USP32: variants seen among roughly 807,000 people sequenced by gnomAD.
USP32 encodes the protein ubiquitin carboxyl-terminal hydrolase 32.
A neutral mutation model predicts 204.8 loss-of-function variants in USP32; 59 were observed. That is an observed-to-expected ratio of 0.29 (90% confidence interval 0.23 to 0.36). The LOEUF (loss-of-function observed/expected upper bound fraction) is 0.36, where lower values mean the gene tolerates loss of function less well. Ranked by LOEUF, USP32 falls within the 10% of genes least tolerant of loss-of-function variation. USP32 has a pLI of 1.00. For missense variants in USP32, 1,160 were observed against 1,946.4 expected (o/e 0.60, Z 7.60); for synonymous variants, 517 against 678.4 (o/e 0.76, Z 3.70).
chr17:60,399,235 G>T (rs570826666), intron 1 of USP32, among the ~76,000 whole-genome samples: 19 of 152,230 alleles, frequency 1.2e-4, no homozygotes, highest in African/African-American at 4.3e-4. Flanking sequence ...AAAAGCTCCT[G>T]CTCTCATGGA....
chr17:60,372,716 G>T (rs1207445966), intron 1 of USP32, among the ~76,000 whole-genome samples: 1 of 150,976 alleles, frequency 6.6e-6, no homozygotes, highest in African/African-American at 2.4e-5. Flanking sequence ...AGGCTTGGTG[G>T]CATGTGCCTC....
rs1181309647 is a variant in USP32, at chr17:60,284,214, C to CTT, written c.571+4307_571+4308dup. ...CAAATAATTCAAGATTTTTTCTTTT[C>CTT]TTTTTTTTTTTTTTTTTGAGACCAA... On this transcript the variant is annotated intron_variant, in intron 5 of 33. Transcript: ENST00000300896. 8.1e-4 allele frequency among the ~76,000 whole-genome samples: 107 copies of CTT among 132,150 alleles called. 2 individuals are homozygous for CTT. Among genetic ancestry groups the CTT allele is most frequent in the African/African-American group, 2.4e-3 (84 of 34,376 alleles). The allele number at this position is 132,150 out of a possible 152,430, so 86.7% of individuals were successfully genotyped here. A position where few individuals can be genotyped will look rare whatever the true frequency, so the allele number is the denominator to read the frequency against.
At chr17:60,349,245 C>G (rs939427690) in intron 1 of USP32, among the ~76,000 whole-genome samples, 6 of 150,702 alleles carry the variant, frequency 4.0e-5, no homozygotes, top group African/African-American at 1.5e-4. Context: ...GTGTTGGTTA[C>G]AGATTATTTG....
At chr17:60,376,595 C>T (rs1420670411) in intron 1 of USP32, among the ~76,000 whole-genome samples, 1 of 151,682 alleles carries the variant, frequency 6.6e-6, no homozygotes, top group Admixed American at 6.6e-5. Flanking sequence ...GCAATCTTGG[C>T]TCATTGCAAC....
At chr17:60,339,059 G>A (rs376697408) in intron 2 of USP32, among the ~76,000 whole-genome samples, 64 of 151,726 alleles carry the variant, frequency 4.2e-4, no homozygotes, top group African/African-American at 1.5e-3. Context: ...ACAGGAGCCC[G>A]CCACCACGCC....
At chr17:60,294,578 T>A in intron 4 of USP32, 105 bp downstream of exon 4, 1 of 603,072 alleles carries the variant, frequency 1.7e-6, no homozygotes, top group Non-Finnish European at 2.8e-6. Context: ...ATGCCAAGAG[T>A]AATCTGCACA....
At chr17:60,377,082 C>G (rs2089559877) in intron 1 of USP32, among the ~76,000 whole-genome samples, 1 of 152,102 alleles carries the variant, frequency 6.6e-6, no homozygotes, top group Non-Finnish European at 1.5e-5. Flanking sequence ...TTTACATCCC[C>G]CTTAAACTCA....
At chr17:60,394,622 C>T (rs1797591467), upstream of USP32, among the ~76,000 whole-genome samples, 6 of 152,196 alleles carry the variant, frequency 3.9e-5, no homozygotes, top group Admixed American at 3.3e-4. Flanking sequence ...GTGCAAATAT[C>T]ATAGATTACT....
At chr17:60,311,544 C>T (rs374145465) in intron 2 of USP32, among the ~76,000 whole-genome samples, 23 of 152,226 alleles carry the variant, frequency 1.5e-4, no homozygotes, top group East Asian at 7.7e-4. Flanking sequence ...AGATGTAGGC[C>T]GGGCACAGTG....
At chr17:60,392,167 C>T, upstream of USP32, 1 of 556,778 alleles carries the variant, frequency 1.8e-6, no homozygotes, top group Admixed American at 3.4e-5. Flanking sequence ...CCCCTGCCTC[C>T]TACTCCGCCC....
intron 28 of USP32, among the ~76,000 whole-genome samples, chr17:60,192,283 T>G (rs2084404227): frequency 6.6e-6 from 1 of 151,924 alleles, no homozygotes. Flanking sequence ...AGAGCGAGAC[T>G]CCATCTCAAA....
At chr17:60,200,352 G>A (rs1337087379) in intron 26 of USP32, among the ~76,000 whole-genome samples, 7 of 151,892 alleles carry the variant, frequency 4.6e-5, no homozygotes, top group Admixed American at 1.3e-4. Flanking sequence ...ACCTGAGGTC[G>A]GGAGTTCGAG....
intron 1 of USP32, among the ~76,000 whole-genome samples, chr17:60,386,947 GC>G (rs528784469): frequency 9.2e-5 from 14 of 152,058 alleles, no homozygotes; most frequent in Non-Finnish European, 2.1e-4. Flanking sequence ...CTTAAAAACT[GC>G]CCCATTTTTC....
At chr17:60,244,522 T>C (rs1038853383) in intron 11 of USP32, among the ~76,000 whole-genome samples, 2 of 152,214 alleles carry the variant, frequency 1.3e-5, no homozygotes, top group Admixed American at 6.5e-5. Context: ...GGAATTTAAA[T>C]AGGTAACATT....
intron 21 of USP32, among the ~76,000 whole-genome samples, chr17:60,209,753 CCAATACTGTG>C (rs1455643541): frequency 6.6e-6 from 1 of 152,080 alleles, no homozygotes; most frequent in African/African-American, 2.4e-5. Flanking sequence ...AGTATTTTGG[CCAATACTGTG>C]CAATACTGTG....
At chr17:60,398,687 A>G (rs142320839) in intron 1 of USP32, among the ~76,000 whole-genome samples, 8 of 152,264 alleles carry the variant, frequency 5.3e-5, no homozygotes, top group Non-Finnish European at 1.0e-4. Context: ...TTAGCTAGGT[A>G]CAGTGGCTGG....
At chr17:60,195,047 C>CAGG (rs2084477526) in intron 27 of USP32, among the ~76,000 whole-genome samples, 1 of 152,210 alleles carries the variant, frequency 6.6e-6, no homozygotes. Context: ...TCATCAACTC[C>CAGG]AGGCCACTCT....
intron 5 of USP32, among the ~76,000 whole-genome samples, chr17:60,287,252 G>A (rs948069464): frequency 1.3e-5 from 2 of 152,142 alleles, no homozygotes; most frequent in Admixed American, 1.3e-4. Flanking sequence ...TTAAAAGATG[G>A]TTCTCTTCCT....
intron 29 of USP32, among the ~76,000 whole-genome samples, chr17:60,186,315 T>C (rs1473403722): frequency 6.6e-6 from 1 of 152,246 alleles, no homozygotes; most frequent in East Asian, 1.9e-4. Flanking sequence ...GCCATTTACT[T>C]TTAATCAGAA....
Sources: allele counts gnomAD v4.1 joint callset (sites outside exome capture counted in the v4.1 genomes callset), GRCh38; gene constraint gnomAD v4.1.1; transcripts MANE v1.5; gene names NCBI Gene and HGNC (gene_info 2026-07-23, HGNC 2026-07-21).